Variants in TMPRSS3 observed in about 807,000 individuals in gnomAD.
The protein encoded by TMPRSS3 is transmembrane serine protease 3, also known as transmembrane protease serine 3.
Under a neutral mutation model 59.6 loss-of-function variants are expected in TMPRSS3, and 55 were observed. That is an observed-to-expected ratio of 0.92 (90% confidence interval 0.74 to 1.16). TMPRSS3 has a LOEUF of 1.16. TMPRSS3 is among the 50% of genes most tolerant of loss of function. TMPRSS3 has a pLI of 0.00. For synonymous variants in TMPRSS3, 257 were observed against 237.7 expected, an observed-to-expected ratio of 1.08 and a Z score of -0.75; for missense variants, 596 against 579.4, an observed-to-expected ratio of 1.03 and a Z score of -0.29.
At chr21:42,380,415 G>T (rs557200055) in intron 9 of TMPRSS3, among the ~76,000 whole-genome samples, 1 of 152,184 alleles carries the variant, frequency 6.6e-6, no homozygotes, top group East Asian at 1.9e-4. Context: ...AACTGTAAAA[G>T]AGCCCTCCAC....
chr21:42,393,611 G>A (rs2146458627), intron 2 of TMPRSS3, among the ~76,000 whole-genome samples: 1 of 152,230 alleles, frequency 6.6e-6, no homozygotes, highest in East Asian at 1.9e-4. Context: ...AACAAATGAG[G>A]TACACATATA....
At chr21:42,381,769 T>C in intron 9 of TMPRSS3, 1 of 531,752 alleles carries the variant, frequency 1.9e-6, no homozygotes, top group South Asian at 2.0e-5. Flanking sequence ...ATCTACAAAC[T>C]ACATTTAAAC....
intron 6 of TMPRSS3, among the ~76,000 whole-genome samples, chr21:42,384,635 G>C (rs1248542987): frequency 1.3e-5 from 2 of 152,242 alleles, no homozygotes; most frequent in Non-Finnish European, 2.9e-5. Flanking sequence ...AGTGTCACCA[G>C]ACTGTGGATT....
chr21:42,372,750 TC>T lies in TMPRSS3; in HGVS notation c.*11del. On this transcript the variant is annotated 3_prime_UTR_variant, in exon 13 of 13. Transcript: ENST00000644384. Reference sequence around the variant, plus strand: ...CCTCAGGAACTCAGGTGGCTACTTGTCCCCTTCCTCTTCAGGTTTTTAGGTC... The same window carrying T: ...CCTCAGGAACTCAGGTGGCTACTTGTCCCTTCCTCTTCAGGTTTTTAGGTC... 2.5e-6 allele frequency: 4 copies of T among 1,613,972 alleles called. No individual in the cohort carries two copies. The highest frequency in any genetic ancestry group is 3.3e-4 in the Middle Eastern group (2 of 6,062).
intron 2 of TMPRSS3, 92 bp from the exon 3 acceptor site, chr21:42,390,129 C>T: frequency 2.0e-6 from 2 of 992,948 alleles, no homozygotes; most frequent in Non-Finnish European, 3.2e-6. Flanking sequence ...TCCCCCTCCC[C>T]TCTTTGCAGA....
In TMPRSS3 at chr21:42,372,498, T is replaced by C. The variant is rs186721880; in HGVS notation, c.*264A>G. 1.4e-4 allele frequency: 88 copies of C among 629,002 alleles called. No homozygotes were observed. The African/African-American group carries it at 1.5e-3, about 11-fold the overall frequency. The allele number at this position is 629,002 out of a possible 1,614,324, so 39.0% of individuals were successfully genotyped here. A position where few individuals can be genotyped will look rare whatever the true frequency, so the allele number is the denominator to read the frequency against. ...TCGCTTGAACCAGGGAAGCGGAGGC[T>C]GCAGTGAGCAGGGATTTCGCCACTG... On this transcript the variant is annotated 3_prime_UTR_variant, in exon 13 of 13. Coordinates refer to ENST00000644384, the MANE Select transcript of TMPRSS3 (RefSeq NM_001256317.3).
chr21:42,373,049 A>G (rs2052362044), intron 12 of TMPRSS3, among the ~76,000 whole-genome samples: 2 of 152,108 alleles, frequency 1.3e-5, no homozygotes, highest in Non-Finnish European at 2.9e-5. Flanking sequence ...TCTCGGCACT[A>G]TGTTCCTGAG....
intron 2 of TMPRSS3, 142 bp from the exon 3 acceptor site, chr21:42,390,179 G>A: frequency 1.4e-6 from 1 of 713,010 alleles, no homozygotes. Context: ...ATTAGGGAAA[G>A]GGCCACCCAC....
Position 42,375,697 on chromosome 21 carries a change from G to T in TMPRSS3, c.1344+19C>A. Reference sequence around the variant, plus strand: ...CAAAAGCCAGGGACAACGTGAGCTGGGGAGGGCGCCGCACCCACCTCCATC... The same window carrying T: ...CAAAAGCCAGGGACAACGTGAGCTGTGGAGGGCGCCGCACCCACCTCCATC... On this transcript the variant is annotated intron_variant, in intron 12 of 12. Transcript: ENST00000644384. 6.2e-7 allele frequency: 1 copy of T among 1,613,624 alleles called. No individual in the cohort carries two copies. The highest frequency in any genetic ancestry group is 1.1e-5 in the South Asian group (1 of 91,076).
Position 42,384,714 on chromosome 21 carries a change from G to A in TMPRSS3, c.572+695C>T, listed in dbSNP as rs539204710. ...CCCGGGGTGCTTATTCATCCCCGAC[G>A]GACAGACCAACAAGCCTACTGTTCC... On this transcript the variant is annotated intron_variant, in intron 6 of 12. Coordinates refer to ENST00000644384, the MANE Select transcript of TMPRSS3 (RefSeq NM_001256317.3). Among the ~76,000 whole-genome samples, 305 of 152,282 alleles carry A rather than the reference G, an allele frequency of 2.0e-3. 11 individuals are homozygous for A. In the South Asian group the frequency reaches 0.061, roughly 30 times the overall value.
chr21:42,394,928 C>G (rs1323038498), intron 2 of TMPRSS3, among the ~76,000 whole-genome samples: 2 of 152,232 alleles, frequency 1.3e-5, no homozygotes, highest in Non-Finnish European at 2.9e-5. Context: ...ATCTAGGCCT[C>G]TAATATCTTT....
intron 10 of TMPRSS3, among the ~76,000 whole-genome samples, chr21:42,379,172 C>T (rs2052478482): frequency 6.6e-6 from 1 of 151,852 alleles, no homozygotes; most frequent in South Asian, 2.1e-4. Flanking sequence ...AGGCATGAAC[C>T]ACTGCACCCG....
At chr21:42,391,637 T>A (rs1204500792) in intron 2 of TMPRSS3, among the ~76,000 whole-genome samples, 1 of 152,230 alleles carries the variant, frequency 6.6e-6, no homozygotes, top group African/African-American at 2.4e-5. Context: ...ACGTGCGGCA[T>A]ACACAGGCTG....
chr21:42,391,379 T>A (rs754280852), intron 2 of TMPRSS3, among the ~76,000 whole-genome samples: 1 of 152,160 alleles, frequency 6.6e-6, no homozygotes, highest in Non-Finnish European at 1.5e-5. Context: ...TTCTCCACAA[T>A]TGCTGTGCAC....
At chr21:42,374,757 G>GA (rs937308312) in intron 12 of TMPRSS3, among the ~76,000 whole-genome samples, 6 of 151,266 alleles carry the variant, frequency 4.0e-5, no homozygotes, top group African/African-American at 1.2e-4. Flanking sequence ...TTGAATTAGG[G>GA]AAAAAAAACG....
chr21:42,385,641 A>C, intron 5 of TMPRSS3, 107 bp from the exon 6 acceptor site: 2 of 1,448,924 alleles, frequency 1.4e-6, no homozygotes, highest in South Asian at 1.1e-5. Context: ...GGGGGATGTC[A>C]TTTTGTCCCC....
Position 42,382,224 on chromosome 21 carries a change from G to A in TMPRSS3, c.793C>T (p.Pro265Ser). The change falls in exon 9 of 13, where the codon CCC becomes TCC. Residue 265 changes from proline to serine, a missense_variant. Physicochemically the swap from Pro to Ser is moderately conservative, Grantham distance 74. Transcript: ENST00000644384. ...AAHCVYDLYL[P>S]KSWTIQVGLV... ...CCCACCTGGATGGTCCATGACTTGG[G>A]GAGGTACAAGCTGAAATGAGAAGAG... The A allele has an allele frequency of 6.2e-7, 1 of 1,614,160 alleles. No individual in the cohort carries two copies. The highest frequency in any genetic ancestry group is 8.5e-7 in the Non-Finnish European group (1 of 1,180,018).
chr21:42,385,379 TG>T (rs1351836589), intron 6 of TMPRSS3, 29 bp downstream of exon 6: 1 of 1,613,496 alleles, frequency 6.2e-7, no homozygotes, highest in South Asian at 1.1e-5. Flanking sequence ...TCGATACCTG[TG>T]CAGACAACAG....
rs60872459 is a variant in TMPRSS3 at position 42,373,023 on chromosome 21, G to A, written c.1345-244C>T. Among the ~76,000 whole-genome samples the A allele has an allele frequency of 0.021, 3,121 of 152,210 alleles. 119 individuals are homozygous for A. The highest frequency in any genetic ancestry group is 0.071 in the African/African-American group (2,939 of 41,496). On this transcript the variant is annotated intron_variant, in intron 12 of 12. Transcript: ENST00000644384. ...GCCCTGCGACAGTTCCGTCACTTCC[G>A]TAGGAAACTTCCAGGTCTCGGCACT...
Sources: gnomAD v4.1 joint callset for allele counts (sites outside exome capture counted in the v4.1 genomes callset) on GRCh38, gnomAD v4.1.1 for gene constraint, MANE v1.5 for transcripts, NCBI Gene and HGNC (gene_info 2026-07-23, HGNC 2026-07-21) for gene names.